Variants in CHN2 observed in about 807,000 individuals in gnomAD.
CHN2 encodes the protein beta-chimaerin.
CHN2 carries 35 observed loss-of-function variants against 56.3 expected under a neutral mutation model. The ratio of observed to expected loss-of-function variants is 0.62; its 90% CI spans 0.47 to 0.82. CHN2 has a LOEUF of 0.82. CHN2 is among the 40% of genes least tolerant of loss of function. The pLI is 0.00. For synonymous variants in CHN2, 210 were observed against 212.8 expected, an observed-to-expected ratio of 0.99 and a Z score of 0.12; for missense variants, 491 against 580.5, an observed-to-expected ratio of 0.85 and a Z score of 1.58.
At position 29,149,249 on chromosome 7, in the gene CHN2, A is replaced by G. The variant is rs144732368; in HGVS notation, c.274+2289A>G. On this transcript the variant is annotated intron_variant, in intron 2 of 6. Coordinates refer to the CHN2 transcript ENST00000439384. ...ACTGTGCCGCCCAGGCTGGACTGCA[A>G]TGTCGCAATCTCAGCTCACTGCAAC... 1.3e-3 allele frequency among the ~76,000 whole-genome samples: 180 copies of G among 137,586 alleles called. 1 individual carries two copies. Among genetic ancestry groups the G allele is most frequent in the African/African-American group, 4.5e-3 (163 of 36,200 alleles). The allele number at this position is 137,586 out of a possible 152,430, so 90.3% of individuals were successfully genotyped here.
At chr7:29,232,941 A>G (rs778018825) in intron 1 of CHN2, among the ~76,000 whole-genome samples, 2 of 152,194 alleles carry the variant, frequency 1.3e-5, no homozygotes, top group Admixed American at 1.3e-4. Context: ...CCTTTTTAAC[A>G]TCCTTGTTAT....
chr7:29,372,292 C>T (rs1463220861), intron 3 of CHN2, among the ~76,000 whole-genome samples: 1 of 151,906 alleles, frequency 6.6e-6, no homozygotes, highest in African/African-American at 2.4e-5. Flanking sequence ...ATTCTCAGAC[C>T]CAGGTTCTCT....
At chr7:29,394,539 G>A (rs1801593158) in intron 4 of CHN2, among the ~76,000 whole-genome samples, 1 of 152,172 alleles carries the variant, frequency 6.6e-6, no homozygotes, top group South Asian at 2.1e-4. Context: ...AGGGGTCCCA[G>A]CCCCGTGCAC....
chr7:29,161,686 A>C (rs1220372382), intron 2 of CHN2, among the ~76,000 whole-genome samples: 1 of 152,242 alleles, frequency 6.6e-6, no homozygotes, highest in Non-Finnish European at 1.5e-5. Flanking sequence ...AAAAATAGAT[A>C]CTTAAAAATT....
At chr7:29,186,041 G>A (rs1369785481) in intron 2 of CHN2, among the ~76,000 whole-genome samples, 36 of 152,188 alleles carry the variant, frequency 2.4e-4, no homozygotes, top group Admixed American at 2.4e-3. Context: ...AGAAGTAAAA[G>A]TTCTAACTAT....
intron 6 of CHN2, among the ~76,000 whole-genome samples, chr7:29,461,816 T>TTGGA (rs5883212): frequency 0.12 from 17,089 of 143,830 alleles, 1,043 homozygotes; most frequent in East Asian, 0.13. Flanking sequence ...GGTTGGTTCA[T>TTGGA]TGGATGGATG....
At chr7:29,487,804 C>T (rs1788205286) in intron 7 of CHN2, among the ~76,000 whole-genome samples, 1 of 152,094 alleles carries the variant, frequency 6.6e-6, no homozygotes, top group African/African-American at 2.4e-5. Flanking sequence ...GCCAGGTGTG[C>T]TACTAAACGT....
chr7:29,499,301 A>G (rs1203485026), intron 8 of CHN2, among the ~76,000 whole-genome samples: 2 of 152,212 alleles, frequency 1.3e-5, no homozygotes, highest in African/African-American at 2.4e-5. Flanking sequence ...GTAGAAAGGA[A>G]AGCGGCCTAC....
intron 1 of CHN2, among the ~76,000 whole-genome samples, chr7:29,267,567 A>G (rs962224211): frequency 2.0e-5 from 3 of 152,162 alleles, no homozygotes; most frequent in Admixed American, 6.5e-5. Context: ...TCTGTGGCTT[A>G]TTAAAGCATA....
chr7:29,236,088 T>TTAAATGTTGCAGC (rs1301456109), intron 1 of CHN2, among the ~76,000 whole-genome samples: 1 of 152,218 alleles, frequency 6.6e-6, no homozygotes, highest in Non-Finnish European at 1.5e-5. Context: ...GAGGTATGGT[T>TTAAATGTTGCAGC]TAAATGTTGC....
intron 5 of CHN2, among the ~76,000 whole-genome samples, chr7:29,399,225 A>C (rs1802008462): frequency 6.6e-6 from 1 of 152,142 alleles, no homozygotes; most frequent in Admixed American, 6.5e-5. Context: ...TGCACCATCT[A>C]GCTGGCCGAG....
chr7:29,308,544 C>T (rs142384202), intron 1 of CHN2, among the ~76,000 whole-genome samples: 3 of 152,312 alleles, frequency 2.0e-5, no homozygotes, highest in East Asian at 1.9e-4. Context: ...AGCTTGTGAC[C>T]TCTCTTTCCC....
chr7:29,431,103 C>A (rs1782829789), intron 6 of CHN2, among the ~76,000 whole-genome samples: 2 of 152,158 alleles, frequency 1.3e-5, no homozygotes, highest in African/African-American at 4.8e-5. Flanking sequence ...ATAGGGAACA[C>A]CCACAACTCA....
chr7:29,494,500 T>TAC (rs1439841180), intron 7 of CHN2, among the ~76,000 whole-genome samples: 2 of 152,142 alleles, frequency 1.3e-5, no homozygotes, highest in Non-Finnish European at 2.9e-5. Context: ...CTAAGTGAAT[T>TAC]ATGACATTTG....
rs1176134345 is a variant in CHN2, at chr7:29,509,324, C to G, written c.1153C>G (p.Leu385Val). 1 of 1,613,854 alleles carries G rather than the reference C, an allele frequency of 6.2e-7. No homozygotes were observed. Among genetic ancestry groups the G allele is most frequent in the African/African-American group, 1.3e-5 (1 of 74,950 alleles). Reference protein sequence around the residue: ...AAKISNADERLEAVHEVLMLL... With the variant: ...AAKISNADERVEAVHEVLMLL... The stretch of plus-strand genomic sequence containing the variant: ...AGAAATCTCCAATGCAGATGAGAGG[C>G]TGGAAGCCGTCCATGAAGTGCTGAT... Residue 385 changes from leucine (L) to valine (V), a missense_variant, in exon 12 of 13, where the codon CTG becomes GTG. Leu to Val is a conservative substitution (Grantham distance 32, BLOSUM62 1). Transcript: ENST00000222792.
intron 3 of CHN2, among the ~76,000 whole-genome samples, chr7:29,389,493 T>C (rs550376813): frequency 3.0e-4 from 46 of 152,286 alleles, no homozygotes; most frequent in African/African-American, 1.1e-3. Context: ...GTTCAGCTGG[T>C]TCGAGATGGG....
chr7:29,511,772 C>G (rs1324665708), intron 12 of CHN2, among the ~76,000 whole-genome samples: 2 of 152,128 alleles, frequency 1.3e-5, no homozygotes, highest in African/African-American at 4.8e-5. Flanking sequence ...AACCCATTCC[C>G]TTTTACATCT....
chr7:29,410,617 A>T (rs1200661865), intron 6 of CHN2, among the ~76,000 whole-genome samples: 1 of 152,058 alleles, frequency 6.6e-6, no homozygotes, highest in Non-Finnish European at 1.5e-5. Context: ...TGAGTATGGG[A>T]TGTGAGATTA....
intron 7 of CHN2, among the ~76,000 whole-genome samples, chr7:29,482,797 CTTTTTTTTTTTTTTTTTT>C (rs375120538): frequency 5.5e-4 from 35 of 64,206 alleles, no homozygotes; most frequent in Admixed American, 1.2e-3. Flanking sequence ...GCACTTTTTT[CTTTTTTTTTTTTTTTTTT>C]TTTTTTTTTT....
Sources: gnomAD v4.1 joint callset for allele counts (sites outside exome capture counted in the v4.1 genomes callset) on GRCh38, gnomAD v4.1.1 for gene constraint, MANE v1.5 for transcripts, NCBI Gene and HGNC (gene_info 2026-07-23, HGNC 2026-07-21) for gene names.